Variants in DNAH9 observed in about 807,000 individuals in gnomAD.
The protein encoded by DNAH9 is DNAH9 variant protein.
In DNAH9, 345 loss-of-function variants were observed where a neutral mutation model predicts 471.6. That is an observed-to-expected ratio of 0.73 (90% CI 0.67 to 0.80). The LOEUF (loss-of-function observed/expected upper bound fraction) is 0.80, where lower values mean the gene tolerates loss of function less well. Among genes scored for constraint, DNAH9 ranks in the 30% least tolerant of loss-of-function variants. The pLI is 0.00. For missense variants in DNAH9, 5,407 were observed against 5,609.2 expected, an observed-to-expected ratio of 0.96 and a Z score of 1.15; for synonymous variants, 2,093 against 2,123.6, an observed-to-expected ratio of 0.99 and a Z score of 0.40.
Position 11,944,915 on chromosome 17 carries a change from A to G in DNAH9, c.12843+2430A>G, listed in dbSNP as rs141305725. ...GTATTTGTGGCAAAATGAAGGTGCA[A>G]AGGGGATGGCAGCAGAGTTCAGAGA... On this transcript the variant is annotated intron_variant, in intron 67 of 68. Transcript: ENST00000262442. Among the ~76,000 whole-genome samples the G allele has an allele frequency of 3.9e-5, 6 of 152,338 alleles. No homozygotes were observed. In the East Asian group the frequency reaches 1.2e-3, roughly 29 times the overall value.
At chr17:11,858,963 A>ACCACCAGGTGGTAC (rs1971723276) in intron 50 of DNAH9, among the ~76,000 whole-genome samples, 3 of 151,944 alleles carry the variant, frequency 2.0e-5, no homozygotes, top group Admixed American at 2.0e-4. Flanking sequence ...ACATGCCTGT[A>ACCACCAGGTGGTAC]ATCTCAGCTA....
intron 66 of DNAH9, among the ~76,000 whole-genome samples, chr17:11,940,238 G>A (rs1050261169): frequency 2.0e-5 from 3 of 152,202 alleles, no homozygotes; most frequent in Non-Finnish European, 4.4e-5. Flanking sequence ...CTGAGCAAAA[G>A]AGGGGCCCCG....
intron 37 of DNAH9, 128 bp downstream of exon 37, chr17:11,768,754 A>G (rs1274641572): frequency 1.7e-5 from 20 of 1,174,890 alleles, no homozygotes; most frequent in Non-Finnish European, 2.3e-5. Context: ...CCCCAGCTCC[A>G]TGACTTTGCA....
In DNAH9 at chr17:11,636,740, T is replaced by C. The variant is rs544899049; in HGVS notation, c.1742T>C (p.Val581Ala). Residue 581 changes from valine to alanine, a missense_variant, in exon 9 of 69, where the codon GTG (valine) becomes GCG (alanine). Physicochemically the swap from Val to Ala is moderately conservative, Grantham distance 64. Around this residue, in one of 3 missense-constraint regions of DNAH9, gnomAD observed 4,636 missense variants for 4,900.3 expected, o/e 0.95. Coordinates refer to ENST00000262442, the MANE Select transcript of DNAH9 (RefSeq NM_001372.4). ...ATGTTCAACAAAGATCTGGATGCAG[T>C]GAGGATGATCTACAGTCAGCACGTC... ...IQMFNKDLDA[V>A]RMIYSQHVQE... The C allele has an allele frequency of 4.1e-5, 66 of 1,614,076 alleles. No individual in the cohort carries two copies. Among genetic ancestry groups the C allele is most frequent in the Non-Finnish European group, 5.4e-5 (64 of 1,179,950 alleles).
At position 11,917,217 on chromosome 17, in the gene DNAH9, G is replaced by A. The variant is rs536098969; in HGVS notation, c.11750-6597G>A. Among the ~76,000 whole-genome samples the A allele has an allele frequency of 1.1e-4, 16 of 152,094 alleles. No homozygotes were observed. The East Asian group carries it at 1.5e-3, about 15-fold the overall frequency. On this transcript the variant is annotated intron_variant, in intron 61 of 68. Coordinates refer to ENST00000262442, the MANE Select transcript of DNAH9 (RefSeq NM_001372.4). ...CACCCAGGCTGGAGTGCAATGGCAC[G>A]ATCTCAGCTCACTGCAACAACCTCC... is the stretch of plus-strand genomic sequence containing the variant.
intron 55 of DNAH9, chr17:11,883,318 T>A: frequency 1.7e-6 from 2 of 1,189,514 alleles, no homozygotes; most frequent in Non-Finnish European, 2.1e-6. Context: ...CCATTGTGCA[T>A]TAAGCATAGC....
chr17:11,705,247 C>T (rs994883989), intron 26 of DNAH9, 62 bp downstream of exon 26: 125 of 1,457,516 alleles, frequency 8.6e-5, no homozygotes, highest in South Asian at 5.0e-4. Context: ...AGCTAGTGGG[C>T]ATCTAGGGTC....
intron 14 of DNAH9, among the ~76,000 whole-genome samples, chr17:11,655,540 G>T (rs1484489298): frequency 6.6e-6 from 1 of 151,746 alleles, no homozygotes; most frequent in Non-Finnish European, 1.5e-5. Flanking sequence ...TTGACCTAAG[G>T]GACCTTTATG....
At chr17:11,762,758 GTTTTTTTTTTTGTTTTTTTTTTTTTT>G (rs1183529043) in intron 35 of DNAH9, among the ~76,000 whole-genome samples, 2 of 94,790 alleles carry the variant, frequency 2.1e-5, no homozygotes, top group Non-Finnish European at 4.3e-5. Flanking sequence ...CTTTAGGTGC[GTTTTTTTTTTTGTTTTTTTTTTTTTT>G]TTTTTTTTTT....
At chr17:11,784,812 C>T (rs182578993) in intron 41 of DNAH9, among the ~76,000 whole-genome samples, 1 of 152,070 alleles carries the variant, frequency 6.6e-6, no homozygotes, top group African/African-American at 2.4e-5. Flanking sequence ...AGGCTCAACA[C>T]CTTGGAGATA....
intron 38 of DNAH9, among the ~76,000 whole-genome samples, chr17:11,778,935 G>A (rs754145423): frequency 1.3e-5 from 2 of 152,152 alleles, no homozygotes; most frequent in Non-Finnish European, 2.9e-5. Flanking sequence ...GAACCCAGGA[G>A]GCAGAGGTTG....
At chr17:11,611,827 C>T (rs1380458562) in intron 4 of DNAH9, 47 bp downstream of exon 4, 25 of 1,596,564 alleles carry the variant, frequency 1.6e-5, no homozygotes, top group East Asian at 8.9e-5. Flanking sequence ...CTCAAGTTAC[C>T]GTCGAATGAT....
chr17:11,826,820 CTTTTTTTTTT>C lies in DNAH9; in HGVS notation c.9246+3799_9246+3808del, dbSNP rs760330537. On this transcript the variant is annotated intron_variant, in intron 48 of 68. Transcript: ENST00000262442. Reference sequence around the variant, plus strand: ...TGTCCTCTTGTTGAGTCCCTACTTTCTTTTTTTTTTTTTTTTTTTTTTGAGACAGAGTCTG... The same window carrying C: ...TGTCCTCTTGTTGAGTCCCTACTTTCTTTTTTTTTTTTGAGACAGAGTCTG... Among the ~76,000 whole-genome samples the C allele has an allele frequency of 1.3e-4, 13 of 102,998 alleles. No homozygotes were observed. In the East Asian group the frequency reaches 3.9e-3, roughly 31 times the overall value. 67.6% of individuals were successfully genotyped at this position (102,998 alleles called of 152,430 possible).
chr17:11,658,847 A>G (rs1045246205), intron 14 of DNAH9, among the ~76,000 whole-genome samples: 2 of 151,978 alleles, frequency 1.3e-5, no homozygotes, highest in African/African-American at 2.4e-5. Flanking sequence ...AGATAAATGC[A>G]TTCGATCATG....
At chr17:11,630,468 T>G (rs556591601) in intron 7 of DNAH9, 6 of 152,372 alleles carry the variant, frequency 3.9e-5, no homozygotes, top group Admixed American at 2.0e-4. Flanking sequence ...ATTGCTTTGC[T>G]GTCTCACTCA....
intron 27 of DNAH9, among the ~76,000 whole-genome samples, chr17:11,724,231 A>G (rs1175619584): frequency 6.6e-6 from 1 of 152,176 alleles, no homozygotes; most frequent in Non-Finnish European, 1.5e-5. Context: ...TGAAATATAA[A>G]ATAAATGATT....
chr17:11,821,606 A>T (rs1287559856), intron 45 of DNAH9, among the ~76,000 whole-genome samples: 1 of 152,192 alleles, frequency 6.6e-6, no homozygotes, highest in African/African-American at 2.4e-5. Context: ...CAATACAAAA[A>T]GGGCAAAAAA....
intron 52 of DNAH9, among the ~76,000 whole-genome samples, chr17:11,872,788 C>T (rs749623627): frequency 3.8e-4 from 58 of 152,232 alleles, no homozygotes; most frequent in Non-Finnish European, 6.0e-4. Context: ...GGCATGGTGG[C>T]GGGCGCCTGT....
intron 50 of DNAH9, among the ~76,000 whole-genome samples, chr17:11,863,900 AT>A (rs1465628831): frequency 6.6e-6 from 1 of 150,972 alleles, no homozygotes. Flanking sequence ...CGTCTATTTG[AT>A]TCTTCTCTCC....
Sources: gnomAD v4.1 joint callset for allele counts (sites outside exome capture counted in the v4.1 genomes callset) on GRCh38, gnomAD v4.1.1 for gene constraint, gnomAD v4.1.1 regional missense constraint, MANE v1.5 for transcripts, NCBI Gene and HGNC (gene_info 2026-07-23, HGNC 2026-07-21) for gene names.